SHROOM3: variants seen among roughly 807,000 people sequenced by gnomAD.
SHROOM3 encodes the protein protein Shroom3.
A neutral mutation model predicts 138.6 loss-of-function variants in SHROOM3; 47 were observed. The ratio of observed to expected loss-of-function variants is 0.34; its 90% CI spans 0.27 to 0.43. The LOEUF (loss-of-function observed/expected upper bound fraction) is 0.43. SHROOM3 is among the 20% of genes least tolerant of loss of function. SHROOM3 has a pLI of 1.00. For missense variants in SHROOM3, 2,491 were observed against 2,596.5 expected, an observed-to-expected ratio of 0.96 and a Z score of 0.88; for synonymous variants, 1,062 against 1,063.3, an observed-to-expected ratio of 1.00 and a Z score of 0.02.
At chr4:76,552,557 T>G (rs1733387905) in intron 1 of SHROOM3, among the ~76,000 whole-genome samples, 1 of 150,718 alleles carries the variant, frequency 6.6e-6, no homozygotes, top group African/African-American at 2.4e-5. Flanking sequence ...AATATATGTA[T>G]ATAGACATAC....
At chr4:76,469,444 T>C (rs1414576435) in intron 1 of SHROOM3, among the ~76,000 whole-genome samples, 1 of 151,966 alleles carries the variant, frequency 6.6e-6, no homozygotes, top group Non-Finnish European at 1.5e-5. Context: ...TCCTGTTTTT[T>C]CTTTTTGTCC....
At chr4:76,644,910 A>G (rs1490660122) in intron 2 of SHROOM3, among the ~76,000 whole-genome samples, 1 of 152,204 alleles carries the variant, frequency 6.6e-6, no homozygotes, top group Admixed American at 6.5e-5. Flanking sequence ...TTCTGTGAAA[A>G]CAAGAAAAGC....
chr4:76,712,739 A>G lies in SHROOM3; in HGVS notation c.455+2452A>G, dbSNP rs1319256109. Among the ~76,000 whole-genome samples the G allele has an allele frequency of 4.6e-5, 7 of 152,214 alleles. 1 individual carries two copies. Among genetic ancestry groups the G allele is most frequent in the Non-Finnish European group, 1.0e-4 (7 of 68,044 alleles). ...ACATGTATGTGTCATATCTCTACAA[A>G]TACAGTCACGTATTGCTTAATGACA... On this transcript the variant is annotated intron_variant, in intron 3 of 10. Transcript: ENST00000296043.
intron 1 of SHROOM3, among the ~76,000 whole-genome samples, chr4:76,458,979 G>T (rs955819052): frequency 1.3e-5 from 2 of 152,220 alleles, no homozygotes; most frequent in African/African-American, 4.8e-5. Context: ...CTAAAGAGCA[G>T]GAATCTATTA....
At chr4:76,623,680 A>G (rs564305270) in intron 2 of SHROOM3, among the ~76,000 whole-genome samples, 2 of 152,366 alleles carry the variant, frequency 1.3e-5, no homozygotes, top group African/African-American at 4.8e-5. Context: ...ACTGACAAAC[A>G]TGATACAGAA....
intron 2 of SHROOM3, among the ~76,000 whole-genome samples, chr4:76,619,178 G>A (rs1223772740): frequency 6.6e-6 from 1 of 152,114 alleles, no homozygotes; most frequent in Admixed American, 6.6e-5. Context: ...TCTGGAACAT[G>A]TGCCATCCTT....
At chr4:76,646,045 G>C (rs1482505777) in intron 2 of SHROOM3, among the ~76,000 whole-genome samples, 1 of 151,828 alleles carries the variant, frequency 6.6e-6, no homozygotes, top group African/African-American at 2.4e-5. Context: ...CACTAAGTAG[G>C]AAAGCAGACT....
intron 9 of SHROOM3, 54 bp downstream of exon 9, chr4:76,759,749 G>T: frequency 6.3e-7 from 1 of 1,587,962 alleles, no homozygotes; most frequent in Non-Finnish European, 8.6e-7. Flanking sequence ...AATTGACAAG[G>T]TCCATGTAAT....
At chr4:76,687,047 G>A (rs995543416) in intron 2 of SHROOM3, among the ~76,000 whole-genome samples, 10 of 152,124 alleles carry the variant, frequency 6.6e-5, no homozygotes, top group Middle Eastern at 3.2e-3. Flanking sequence ...TGGCTTTGGC[G>A]AAGGAAAGGG....
chr4:76,454,508 T>G (rs1022207741), intron 1 of SHROOM3, among the ~76,000 whole-genome samples: 2 of 152,230 alleles, frequency 1.3e-5, no homozygotes, highest in Non-Finnish European at 2.9e-5. Flanking sequence ...TCTATTCTAT[T>G]GTATTGGTCT....
intron 2 of SHROOM3, among the ~76,000 whole-genome samples, chr4:76,621,941 C>G (rs1285720976): frequency 6.6e-6 from 1 of 151,860 alleles, no homozygotes; most frequent in Non-Finnish European, 1.5e-5. Context: ...AGCAATTCTC[C>G]TGCCTCAGCT....
rs1721267939 is a variant in SHROOM3 at position 76,741,857 on chromosome 4, C to G, written c.3684C>G (p.Arg1228=). 7 of 1,610,610 alleles carry G rather than the reference C, an allele frequency of 4.3e-6. No individual in the cohort carries two copies. The highest frequency in any genetic ancestry group is 5.1e-6 in the Non-Finnish European group (6 of 1,179,330). The change falls in exon 5 of 11, where the codon CGC becomes CGG. Residue 1228 remains arginine (R), a synonymous_variant. Coordinates refer to ENST00000296043, the MANE Select transcript of SHROOM3 (RefSeq NM_020859.4). The surrounding 1 kb of genome is among the most constrained non-coding windows in gnomAD (Gnocchi z 6.2). ...KSMSAEDLLE[R]SDVLAGPVHV... is the part of the protein sequence containing the mutation. ...TGTCGGCCGAGGACCTGCTGGAACG[C>G]TCGGACGTCCTTGCGGGCCCTGTCC...
In SHROOM3 at chr4:76,581,083, C is replaced by CT. The variant is rs200714151; in HGVS notation, c.323+25329dup. Among the ~76,000 whole-genome samples the CT allele has an allele frequency of 6.5e-3, 988 of 150,948 alleles. 3 individuals carry two copies. Among genetic ancestry groups the CT allele is most frequent in the Non-Finnish European group, 9.0e-3 (606 of 67,702 alleles). ...TCCACAATGATTTTTCTCCAAGAGG[C>CT]TTTTTTTTTCATTCCTAAGAATAAA... On this transcript the variant is annotated intron_variant, in intron 2 of 10. Coordinates refer to ENST00000296043, the MANE Select transcript of SHROOM3 (RefSeq NM_020859.4).
At chr4:76,549,551 TAG>T (rs1733302735) in intron 1 of SHROOM3, among the ~76,000 whole-genome samples, 1 of 152,028 alleles carries the variant, frequency 6.6e-6, no homozygotes, top group African/African-American at 2.4e-5. Context: ...GTAATTTTAG[TAG>T]AGACGGGGTT....
chr4:76,628,337 T>C (rs1735207588), intron 2 of SHROOM3, among the ~76,000 whole-genome samples: 1 of 152,188 alleles, frequency 6.6e-6, no homozygotes, highest in Non-Finnish European at 1.5e-5. Context: ...GAAATAGCCT[T>C]AAATTCAAAG....
chr4:76,586,396 A>C, intron 2 of SHROOM3: 1 of 985,656 alleles, frequency 1.0e-6, no homozygotes. Context: ...GCCTTGGCCC[A>C]GTGTCACGCA....
chr4:76,749,228 ACT>A, intron 6 of SHROOM3, 138 bp downstream of exon 6: 1 of 750,810 alleles, frequency 1.3e-6, no homozygotes, highest in Admixed American at 2.9e-5. Flanking sequence ...GCCATGGATA[ACT>A]TTTTTTTTTA....
chr4:76,448,870 A>G (rs1338288125), intron 1 of SHROOM3, among the ~76,000 whole-genome samples: 1 of 152,198 alleles, frequency 6.6e-6, no homozygotes, highest in African/African-American at 2.4e-5. Context: ...ATTGCACTGT[A>G]CTATGGAATT....
intron 2 of SHROOM3, among the ~76,000 whole-genome samples, chr4:76,650,436 G>C (rs1046124816): frequency 6.6e-6 from 1 of 152,102 alleles, no homozygotes; most frequent in Non-Finnish European, 1.5e-5. Context: ...CCACTGCAGG[G>C]TATATACCTC....
Sources: gnomAD v4.1 joint callset for allele counts (sites outside exome capture counted in the v4.1 genomes callset) on GRCh38, gnomAD v4.1.1 for gene constraint, Gnocchi (gnomAD v3.1) non-coding constraint, MANE v1.5 for transcripts, NCBI Gene and HGNC (gene_info 2026-07-23, HGNC 2026-07-21) for gene names.